CDK8: variants seen among roughly 807,000 people sequenced by gnomAD.
The protein encoded by CDK8 is cyclin-dependent kinase 8.
In CDK8, 29 loss-of-function variants were observed where a neutral mutation model predicts 71.5. The ratio of observed to expected loss-of-function variants is 0.41; its 90% CI spans 0.30 to 0.55. The LOEUF (loss-of-function observed/expected upper bound fraction) is 0.55. Ranked by LOEUF, CDK8 falls within the 20% of genes least tolerant of loss-of-function variation. CDK8 has a pLI of 0.37. For missense variants in CDK8, 288 were observed against 572.6 expected (o/e 0.50, Z 5.07); for synonymous variants, 161 against 192.1 (o/e 0.84, Z 1.34).
intron 4 of CDK8, among the ~76,000 whole-genome samples, chr13:26,382,266 G>A (rs1875264063): frequency 6.6e-6 from 1 of 152,112 alleles, no homozygotes; most frequent in Non-Finnish European, 1.5e-5. Flanking sequence ...ACTTAAAAAT[G>A]AAAATCTTAA....
intron 4 of CDK8, among the ~76,000 whole-genome samples, chr13:26,366,436 C>T (rs1277329618): frequency 1.3e-5 from 2 of 152,046 alleles, no homozygotes. Context: ...GATGTAAAAT[C>T]AGTAACCGTT....
At chr13:26,315,658 T>C (rs1353511760) in intron 1 of CDK8, among the ~76,000 whole-genome samples, 8 of 152,334 alleles carry the variant, frequency 5.3e-5, no homozygotes, top group African/African-American at 1.7e-4. Flanking sequence ...TGAGGATGTT[T>C]TCTGGAATCT....
In CDK8 at chr13:26,268,256, A is replaced by AACACACACACAC. The variant is rs3027999; in HGVS notation, c.128+13529_128+13540dup. Reference sequence around the variant, plus strand: ...TGAAAGTTTTGCTCCCCCCTCCCCCAACACACACACACACACACACACACA... The same window carrying AACACACACACAC: ...TGAAAGTTTTGCTCCCCCCTCCCCCAACACACACACACACACACACACACACACACACACACA... On this transcript the variant is annotated intron_variant, in intron 1 of 12. Transcript: ENST00000381527. Among the ~76,000 whole-genome samples the AACACACACACAC allele has an allele frequency of 1.7e-3, 193 of 116,790 alleles. 6 individuals are homozygous for AACACACACACAC. Among genetic ancestry groups the AACACACACACAC allele is most frequent in the African/African-American group, 6.0e-3 (170 of 28,240 alleles). 76.6% of individuals were successfully genotyped at this position (116,790 alleles called of 152,430 possible).
chr13:26,354,918 A>C (rs73160334), intron 4 of CDK8, among the ~76,000 whole-genome samples: 9,523 of 152,274 alleles, frequency 0.063, 344 homozygotes, highest in South Asian at 0.14. Flanking sequence ...TTTTCTTTGT[A>C]AAGATAGTAA....
chr13:26,276,833 A>C (rs895041288), intron 1 of CDK8, among the ~76,000 whole-genome samples: 2 of 152,210 alleles, frequency 1.3e-5, no homozygotes, highest in Admixed American at 1.3e-4. Flanking sequence ...TAGGACTGAC[A>C]TAAGTATTTA....
At position 26,254,613 on chromosome 13, in the gene CDK8, C is replaced by T; in HGVS notation, c.-29C>T. On this transcript the variant is annotated 5_prime_UTR_variant, in exon 1 of 13. Transcript: ENST00000381527. The surrounding 1 kb of genome is among the most constrained non-coding windows in gnomAD (Gnocchi z 6.7). ...CACCCCTGCCCCCCGGCCCCCCGAC[C>T]CAGCTCTCCGGCCTCAGAGGCTGTG... 1 of 1,564,084 alleles carries T rather than the reference C, an allele frequency of 6.4e-7. No homozygotes were observed. Among genetic ancestry groups the T allele is most frequent in the Non-Finnish European group, 8.7e-7 (1 of 1,154,304 alleles).
chr13:26,388,165 T>A (rs1875569205), intron 6 of CDK8, among the ~76,000 whole-genome samples: 2 of 152,246 alleles, frequency 1.3e-5, no homozygotes, highest in African/African-American at 2.4e-5. Context: ...TTTCCAAAAA[T>A]CTTTATGTTC....
chr13:26,257,499 C>T (rs886984704), intron 1 of CDK8, among the ~76,000 whole-genome samples: 13 of 152,084 alleles, frequency 8.5e-5, no homozygotes. Context: ...TAAAGAAATG[C>T]ACAATAAATC....
At chr13:26,322,954 C>T (rs1874848015) in intron 1 of CDK8, among the ~76,000 whole-genome samples, 1 of 152,054 alleles carries the variant, frequency 6.6e-6, no homozygotes, top group African/African-American at 2.4e-5. Flanking sequence ...TTGGGAATCC[C>T]TAATTTTGTA....
chr13:26,370,934 TTTTG>T (rs1171972433), intron 4 of CDK8, among the ~76,000 whole-genome samples: 14 of 152,200 alleles, frequency 9.2e-5, no homozygotes, highest in Non-Finnish European at 1.5e-4. Context: ...AAATGTTTAT[TTTTG>T]TTTAATTTTT....
rs118040212 is a variant in CDK8, at chr13:26,343,227, C to T, written c.204+5585C>T. Among the ~76,000 whole-genome samples the T allele has an allele frequency of 6.8e-3, 1,033 of 152,244 alleles. 8 individuals carry two copies. The highest frequency in any genetic ancestry group is 0.024 in the Middle Eastern group (7 of 294). On this transcript the variant is annotated intron_variant, in intron 2 of 12. Transcript: ENST00000381527. Reference sequence around the variant, plus strand: ...CTTACACTAACCCAGATGGTAGAACCTAAACACACCAGGCTGTTTGTAGCC... The same window carrying T: ...CTTACACTAACCCAGATGGTAGAACTTAAACACACCAGGCTGTTTGTAGCC...
chr13:26,284,260 AAACG>A (rs1872896949), intron 1 of CDK8, among the ~76,000 whole-genome samples: 2 of 152,206 alleles, frequency 1.3e-5, no homozygotes, highest in African/African-American at 2.4e-5. Context: ...ACCCAAACCC[AAACG>A]CAGCAGAAGA....
At chr13:26,374,338 G>A (rs1874845452) in intron 4 of CDK8, among the ~76,000 whole-genome samples, 2 of 152,046 alleles carry the variant, frequency 1.3e-5, no homozygotes, top group Non-Finnish European at 2.9e-5. Flanking sequence ...TTAAATTTTT[G>A]TTATTATTAC....
Position 26,254,600 on chromosome 13 carries a change from C to G in CDK8, c.-42C>G. ...CTTCCCCGGTCCCCACCCCTGCCCC[C>G]CGGCCCCCCGACCCAGCTCTCCGGC... On this transcript the variant is annotated 5_prime_UTR_variant, in exon 1 of 13. Transcript: ENST00000381527. The surrounding 1 kb of genome is among the most constrained non-coding windows in gnomAD (Gnocchi z 6.7). 1.3e-6 allele frequency: 2 copies of G among 1,505,334 alleles called. No homozygotes were observed. Among genetic ancestry groups the G allele is most frequent in the Non-Finnish European group, 1.8e-6 (2 of 1,111,778 alleles). 93.2% of individuals were successfully genotyped at this position (1,505,334 alleles called of 1,614,324 possible).
intron 1 of CDK8, among the ~76,000 whole-genome samples, chr13:26,303,395 G>A (rs1391757860): frequency 1.3e-5 from 2 of 151,876 alleles, no homozygotes; most frequent in African/African-American, 2.4e-5. Context: ...CCGCCTCCTG[G>A]GTTCAAGCAA....
At chr13:26,315,527 T>C (rs575666488) in intron 1 of CDK8, among the ~76,000 whole-genome samples, 2 of 152,310 alleles carry the variant, frequency 1.3e-5, no homozygotes, top group African/African-American at 4.8e-5. Flanking sequence ...TGTTCCTTCA[T>C]TACTTTATCC....
intron 1 of CDK8, among the ~76,000 whole-genome samples, chr13:26,256,187 G>A (rs958305183): frequency 2.6e-5 from 4 of 152,160 alleles, no homozygotes; most frequent in African/African-American, 9.7e-5. Flanking sequence ...ACTTTTTAGC[G>A]GAATGGATAG....
chr13:26,393,324 T>G, intron 6 of CDK8, 43 bp from the exon 7 acceptor site: 1 of 1,303,808 alleles, frequency 7.7e-7, no homozygotes, highest in Admixed American at 2.4e-5. Context: ...TCTTTTTTCC[T>G]TGCCTATTTT....
At chr13:26,259,568 GACTGTATTTGCTGTGT>G (rs1316829100) in intron 1 of CDK8, among the ~76,000 whole-genome samples, 3 of 152,126 alleles carry the variant, frequency 2.0e-5, no homozygotes, top group East Asian at 1.9e-4. Flanking sequence ...ACTGAGGGAT[GACTGTATTTGCTGTGT>G]ACTTCTTATT....
Sources: gnomAD v4.1 joint callset for allele counts (sites outside exome capture counted in the v4.1 genomes callset) on GRCh38, gnomAD v4.1.1 for gene constraint, Gnocchi (gnomAD v3.1) non-coding constraint, MANE v1.5 for transcripts, NCBI Gene and HGNC (gene_info 2026-07-23, HGNC 2026-07-21) for gene names.